FGF10: variants seen among roughly 807,000 people sequenced by gnomAD.
FGF10 encodes FGF-10.
In FGF10, 2 loss-of-function variants were observed where a neutral mutation model predicts 19.8. The observed-to-expected ratio is 0.10, with a 90% confidence interval of 0.04 to 0.32. The LOEUF (loss-of-function observed/expected upper bound fraction) is 0.32. Among genes scored for constraint, FGF10 ranks in the 10% least tolerant of loss-of-function variants. The pLI, the probability that FGF10 is intolerant of heterozygous loss-of-function variation, is 1.00. For synonymous variants in FGF10, 112 were observed against 94.0 expected (o/e 1.19, Z -1.10); for missense variants, 191 against 246.3 (o/e 0.78, Z 1.50).
At chr5:44,349,746 C>G (rs1371606318) in intron 1 of FGF10, among the ~76,000 whole-genome samples, 1 of 150,604 alleles carries the variant, frequency 6.6e-6, no homozygotes, top group East Asian at 2.0e-4. Context: ...ACTCTTAGAC[C>G]TAAACAGTTG....
chr5:44,316,167 G>A (rs1008665195), intron 1 of FGF10, among the ~76,000 whole-genome samples: 24 of 152,204 alleles, frequency 1.6e-4, no homozygotes, highest in African/African-American at 5.8e-4. Context: ...CACTCCATAT[G>A]AGAATCTAAC....
intron 1 of FGF10, among the ~76,000 whole-genome samples, chr5:44,349,175 T>G (rs1315537501): frequency 6.6e-6 from 1 of 150,886 alleles, no homozygotes; most frequent in East Asian, 2.0e-4. Context: ...CTTTCTACTT[T>G]GAGCAAATTT....
At chr5:44,379,262 G>A (rs1741937080) in intron 1 of FGF10, among the ~76,000 whole-genome samples, 1 of 152,168 alleles carries the variant, frequency 6.6e-6, no homozygotes, top group South Asian at 2.1e-4. Flanking sequence ...TAAGCTCTAT[G>A]AGAGCAGAAA....
intron 1 of FGF10, among the ~76,000 whole-genome samples, chr5:44,321,378 A>AT (rs1323031517): frequency 6.6e-6 from 1 of 152,126 alleles, no homozygotes; most frequent in South Asian, 2.1e-4. Flanking sequence ...AGTGCAATAT[A>AT]TTTTTCAGGA....
chr5:44,344,442 A>AT (rs985709725), intron 1 of FGF10, among the ~76,000 whole-genome samples: 1 of 151,828 alleles, frequency 6.6e-6, no homozygotes, highest in Admixed American at 6.6e-5. Flanking sequence ...GATTAAATGA[A>AT]TTTTTTTATT....
rs1207442148 is a variant in FGF10, at chr5:44,301,716, T to C, written c.*3279A>G. Among the ~76,000 whole-genome samples the C allele has an allele frequency of 1.3e-5, 2 of 152,176 alleles. No individual in the cohort carries two copies. Among genetic ancestry groups the C allele is most frequent in the East Asian group, 3.9e-4 (2 of 5,194 alleles). On this transcript the variant is annotated 3_prime_UTR_variant, in exon 3 of 3. Coordinates refer to ENST00000264664, the MANE Select transcript of FGF10 (RefSeq NM_004465.2). ...TGAAACATTAGAGAAAACTTACAAATGTTTGAGTAATTTTTTTTTCTGTTG... is the reference window on the plus strand; with the variant it reads ...TGAAACATTAGAGAAAACTTACAAACGTTTGAGTAATTTTTTTTTCTGTTG...
Position 44,304,650 on chromosome 5 carries a change from C to A in FGF10, c.*345G>T. 3.6e-6 allele frequency: 1 copy of A among 281,474 alleles called. No individual in the cohort carries two copies. Among genetic ancestry groups the A allele is most frequent in the African/African-American group, 2.2e-5 (1 of 45,448 alleles). The allele number at this position is 281,474 out of a possible 1,614,324, so 17.4% of individuals were successfully genotyped here. On this transcript the variant is annotated 3_prime_UTR_variant, in exon 3 of 3. Transcript: ENST00000264664. ...ATAAATAACTTTCCCGAAGATCGTT[C>A]TTTCAACAGATTGTTCTATGTCCTT...
intron 1 of FGF10, among the ~76,000 whole-genome samples, chr5:44,374,015 T>C (rs1036499986): frequency 1.1e-4 from 16 of 152,160 alleles, no homozygotes; most frequent in African/African-American, 3.9e-4. Flanking sequence ...AAATCTATTC[T>C]CTCAATGTTC....
At chr5:44,359,619 T>C (rs1172163353) in intron 1 of FGF10, among the ~76,000 whole-genome samples, 3 of 151,478 alleles carry the variant, frequency 2.0e-5, no homozygotes, top group Non-Finnish European at 4.4e-5. Flanking sequence ...CAAAATCTTA[T>C]TTTTCCTCAT....
At chr5:44,309,803 A>T (rs1740166356) in intron 2 of FGF10, among the ~76,000 whole-genome samples, 1 of 152,156 alleles carries the variant, frequency 6.6e-6, no homozygotes, top group East Asian at 1.9e-4. Flanking sequence ...CCTGGTATGG[A>T]ATATAGGCAT....
chr5:44,354,571 G>A (rs916158167), intron 1 of FGF10, among the ~76,000 whole-genome samples: 6 of 151,334 alleles, frequency 4.0e-5, no homozygotes, highest in Admixed American at 2.0e-4. Flanking sequence ...GCATCACCGC[G>A]CAGATGTAAG....
chr5:44,364,836 A>G (rs1048149559), intron 1 of FGF10, among the ~76,000 whole-genome samples: 3 of 152,072 alleles, frequency 2.0e-5, no homozygotes, highest in African/African-American at 4.8e-5. Context: ...ACCAAGATAG[A>G]AATCTGATAA....
chr5:44,341,860 AT>A (rs1421410998), intron 1 of FGF10, among the ~76,000 whole-genome samples: 1 of 151,966 alleles, frequency 6.6e-6, no homozygotes, highest in Non-Finnish European at 1.5e-5. Flanking sequence ...ACTTCATAGA[AT>A]TTATGTAAGT....
chr5:44,388,168 G>T (rs1484283512), intron 1 of FGF10, among the ~76,000 whole-genome samples, 190 bp downstream of exon 1: 5 of 151,584 alleles, frequency 3.3e-5, no homozygotes, highest in African/African-American at 4.9e-5. Flanking sequence ...GCGCTTAGGG[G>T]AGGGGATGCG....
chr5:44,352,356 G>C (rs562120339), intron 1 of FGF10, among the ~76,000 whole-genome samples: 1 of 151,670 alleles, frequency 6.6e-6, no homozygotes, highest in South Asian at 2.1e-4. Context: ...ACCTCTAAAA[G>C]GGGACACCAA....
chr5:44,336,449 T>C (rs1442297516), intron 1 of FGF10, among the ~76,000 whole-genome samples: 1 of 152,188 alleles, frequency 6.6e-6, no homozygotes, highest in Non-Finnish European at 1.5e-5. Context: ...ATTGTCAGAT[T>C]CTATGTTTGT....
At chr5:44,378,730 G>A (rs936886151) in intron 1 of FGF10, among the ~76,000 whole-genome samples, 1 of 152,124 alleles carries the variant, frequency 6.6e-6, no homozygotes, top group African/African-American at 2.4e-5. Context: ...GCGCCTGGCC[G>A]ATATTTCCCT....
At chr5:44,325,515 A>G (rs13177844) in intron 1 of FGF10, among the ~76,000 whole-genome samples, 10 of 152,284 alleles carry the variant, frequency 6.6e-5, no homozygotes, top group South Asian at 4.2e-4. Context: ...ACTGGATTAA[A>G]AAAATGTGGC....
chr5:44,370,042 G>A (rs909143179), intron 1 of FGF10, among the ~76,000 whole-genome samples: 1 of 151,998 alleles, frequency 6.6e-6, no homozygotes, highest in Non-Finnish European at 1.5e-5. Flanking sequence ...CGCCAACTGT[G>A]TGCAGTGCAT....
Sources: allele counts gnomAD v4.1 joint callset (sites outside exome capture counted in the v4.1 genomes callset), GRCh38; gene constraint gnomAD v4.1.1; transcripts MANE v1.5; gene names NCBI Gene and HGNC (gene_info 2026-07-23, HGNC 2026-07-21).